PTN: variants seen among roughly 807,000 people sequenced by gnomAD.
PTN encodes heparin affin regulatory protein.
In PTN, 18 loss-of-function variants were observed where a neutral mutation model predicts 24.1. That is an observed-to-expected ratio of 0.75 (90% confidence interval 0.52 to 1.11). The LOEUF (loss-of-function observed/expected upper bound fraction) is 1.11, where lower values mean the gene tolerates loss of function less well. Ranked by LOEUF, PTN falls within the 50% of genes least tolerant of loss-of-function variation. The pLI, the probability that PTN is intolerant of heterozygous loss-of-function variation, is 0.00. For missense variants in PTN, 163 were observed against 198.8 expected (o/e 0.82, Z 1.08); for synonymous variants, 78 against 68.6 (o/e 1.14, Z -0.67).
chr7:137,247,307 C>A (rs754640414), intron 4 of PTN, among the ~76,000 whole-genome samples: 1 of 152,096 alleles, frequency 6.6e-6, no homozygotes, highest in Non-Finnish European at 1.5e-5. Flanking sequence ...AAATGTGGTA[C>A]ATATACATAA....
rs1808473637 is a variant in PTN at position 137,233,936 on chromosome 7, ATATATG to A, written c.452-5867_452-5862del. Among the ~76,000 whole-genome samples the A allele has an allele frequency of 2.0e-5, 3 of 149,874 alleles. No homozygotes were observed. The South Asian group carries it at 6.2e-4, about 31-fold the overall frequency. ...TACATATATGTATATATGTATACAT[ATATATG>A]TATATGTACACGTATACATATACAT... On this transcript the variant is annotated intron_variant, in intron 4 of 4. Transcript: ENST00000348225.
intron 1 of PTN, among the ~76,000 whole-genome samples, chr7:137,290,400 C>T (rs1055548267): frequency 2.0e-5 from 3 of 152,108 alleles, no homozygotes; most frequent in Admixed American, 6.6e-5. Flanking sequence ...AACTTGAAAA[C>T]GAGCTTGCTT....
chr7:137,299,370 G>A (rs1809770240), intron 1 of PTN, among the ~76,000 whole-genome samples: 2 of 152,012 alleles, frequency 1.3e-5, no homozygotes, highest in South Asian at 4.2e-4. Flanking sequence ...AAGTCCATTA[G>A]GGGATGACCG....
chr7:137,321,641 A>T (rs923503860), intron 1 of PTN, among the ~76,000 whole-genome samples: 6 of 152,154 alleles, frequency 3.9e-5, no homozygotes, highest in African/African-American at 1.4e-4. Context: ...TTTAATCACT[A>T]CCAGAAATAA....
rs1440784154 is a variant in PTN at position 137,343,548 on chromosome 7, C to T, written c.-111G>A. 1 of 519,026 alleles carries T rather than the reference C, an allele frequency of 1.9e-6. No homozygotes were observed. The highest frequency in any genetic ancestry group is 3.8e-6 in the Non-Finnish European group (1 of 259,876). The allele number at this position is 519,026 out of a possible 1,614,324, so 32.2% of individuals were successfully genotyped here. ...CTCGCTGCAGCTCCTGCTTGGGCCG[C>T]TGCTGCTCTCCCCGCCTTCTGGACG... On this transcript the variant is annotated 5_prime_UTR_variant, in exon 1 of 5. Transcript: ENST00000348225.
In PTN at chr7:137,228,259, C is replaced by G. The variant is rs78464810; in HGVS notation, c.452-184G>C. 6.3e-3 allele frequency among the ~76,000 whole-genome samples: 947 copies of G among 150,674 alleles called. 27 individuals are homozygous for G. The highest frequency in any genetic ancestry group is 0.049 in the East Asian group (251 of 5,112). On this transcript the variant is annotated intron_variant, in intron 4 of 4. Coordinates refer to ENST00000348225, the MANE Select transcript of PTN (RefSeq NM_002825.7). ...TGTATGTGCATGTGTGTGTGTGTGT[C>G]TGTCTGTCTGTCTGTCTGCTTTTGA...
chr7:137,311,231 CAAAA>C (rs35319700), intron 1 of PTN, among the ~76,000 whole-genome samples: 7 of 101,602 alleles, frequency 6.9e-5, no homozygotes, highest in Admixed American at 1.0e-4. Flanking sequence ...GACTCCATTT[CAAAA>C]AAAAAAAAAA....
chr7:137,323,202 G>A (rs1236650034), intron 1 of PTN, among the ~76,000 whole-genome samples: 42 of 152,182 alleles, frequency 2.8e-4, no homozygotes, highest in Non-Finnish European at 8.8e-5. Flanking sequence ...TGTTGCCTGT[G>A]CCTAAAGTGA....
intron 1 of PTN, among the ~76,000 whole-genome samples, chr7:137,301,141 T>C (rs1809799223): frequency 6.6e-6 from 1 of 151,968 alleles, no homozygotes; most frequent in African/African-American, 2.4e-5. Flanking sequence ...GACTAGAGTC[T>C]CCTAAACAAT....
intron 1 of PTN, among the ~76,000 whole-genome samples, chr7:137,280,693 A>AC (rs1343232100): frequency 2.3e-4 from 20 of 88,358 alleles, no homozygotes; most frequent in African/African-American, 5.8e-4. Flanking sequence ...GTCTCTACTA[A>AC]AAATACAAAA....
intron 1 of PTN, among the ~76,000 whole-genome samples, chr7:137,285,249 G>C (rs1255103861): frequency 3.3e-5 from 5 of 152,124 alleles, no homozygotes; most frequent in Admixed American, 3.3e-4. Flanking sequence ...ATAGATAATA[G>C]GATACAGAAT....
chr7:137,314,749 C>T (rs544654688), intron 1 of PTN, among the ~76,000 whole-genome samples: 15 of 152,042 alleles, frequency 9.9e-5, no homozygotes, highest in East Asian at 3.9e-4. Context: ...TGCCCACCAC[C>T]GCACTCAGCT....
rs1262830177 is a variant in PTN at position 137,253,346 on chromosome 7, G to A, written c.289+118C>T. 5 of 1,099,256 alleles carry A rather than the reference G, an allele frequency of 4.5e-6. No individual in the cohort carries two copies. In the Admixed American group the frequency reaches 8.5e-5, roughly 19 times the overall value. 68.1% of individuals were successfully genotyped at this position (1,099,256 alleles called of 1,614,324 possible). ...GAAATGGGACCAGTCTGGTCACTTT[G>A]TGTCTGGTAAGATAAAGTTATTTAA... On this transcript the variant is annotated intron_variant, in intron 3 of 4. Transcript: ENST00000348225.
chr7:137,317,906 G>T (rs1303163774), intron 1 of PTN, among the ~76,000 whole-genome samples: 2 of 152,144 alleles, frequency 1.3e-5, no homozygotes, highest in African/African-American at 2.4e-5. Context: ...CAAGGAGTGG[G>T]TGGCCAGGTA....
intron 1 of PTN, among the ~76,000 whole-genome samples, chr7:137,341,269 T>C (rs1810529313): frequency 6.6e-6 from 1 of 152,220 alleles, no homozygotes; most frequent in South Asian, 2.1e-4. Flanking sequence ...ACTAGGCTTT[T>C]ATGAAATTTT....
At chr7:137,342,017 A>G (rs1460377533) in intron 1 of PTN, among the ~76,000 whole-genome samples, 3 of 152,224 alleles carry the variant, frequency 2.0e-5, no homozygotes, top group Non-Finnish European at 4.4e-5. Context: ...CTTGGCCTTT[A>G]AAGTGCATAA....
At chr7:137,280,988 T>C (rs17603498) in intron 1 of PTN, among the ~76,000 whole-genome samples, 2,908 of 152,094 alleles carry the variant, frequency 0.019, 39 homozygotes, top group African/African-American at 0.027. Context: ...ACTAATAACC[T>C]TAATGAGAGG....
chr7:137,318,011 A>C (rs997472605), intron 1 of PTN, among the ~76,000 whole-genome samples: 1 of 152,184 alleles, frequency 6.6e-6, no homozygotes, highest in Non-Finnish European at 1.5e-5. Context: ...TGACGCCTAC[A>C]ATCTCAGCAC....
intron 1 of PTN, among the ~76,000 whole-genome samples, chr7:137,260,753 T>C (rs540506526): frequency 3.3e-5 from 5 of 152,274 alleles, no homozygotes; most frequent in South Asian, 2.1e-4. Context: ...GCTATCCCTT[T>C]GGTAAGAATG....
Sources: gnomAD v4.1 joint callset for allele counts (sites outside exome capture counted in the v4.1 genomes callset) on GRCh38, gnomAD v4.1.1 for gene constraint, MANE v1.5 for transcripts, NCBI Gene and HGNC (gene_info 2026-07-23, HGNC 2026-07-21) for gene names.